The following SHISA9 variants were observed in gnomAD, a reference collection of about 807,000 sequenced individuals.
SHISA9 encodes the protein shisa family member 9.
SHISA9 carries 13 observed loss-of-function variants against 38.0 expected under a neutral mutation model. The observed-to-expected ratio is 0.34, with a 90% CI of 0.22 to 0.54. SHISA9 has a LOEUF of 0.54. SHISA9 is among the 20% of genes least tolerant of loss of function. The pLI is 0.91. For synonymous variants in SHISA9, 275 were observed against 242.0 expected (o/e 1.14, Z -1.27); for missense variants, 538 against 575.8 (o/e 0.93, Z 0.67).
chr16:13,064,784 C>CAAAAAAAAAAAA (rs72435637), intron 2 of SHISA9, among the ~76,000 whole-genome samples: 1 of 82,374 alleles, frequency 1.2e-5, no homozygotes, highest in Non-Finnish European at 3.0e-5. Flanking sequence ...AGTTGTAAGG[C>CAAAAAAAAAAAA]AAAAAAAAAA....
the SHISA9 span, among the ~76,000 whole-genome samples, chr16:13,298,611 A>G: frequency 6.6e-6 from 1 of 152,088 alleles, no homozygotes; most frequent in African/African-American, 2.4e-5. Flanking sequence ...ATTTGAACCC[A>G]CTTTTGTCTG....
the SHISA9 span, among the ~76,000 whole-genome samples, chr16:13,361,907 G>C: frequency 5.3e-5 from 8 of 152,092 alleles, no homozygotes; most frequent in African/African-American, 1.9e-4. Flanking sequence ...ACATGTAATT[G>C]TTCATTATCC....
chr16:13,361,101 C>T, the SHISA9 span, among the ~76,000 whole-genome samples: 1 of 152,216 alleles, frequency 6.6e-6, no homozygotes, highest in Non-Finnish European at 1.5e-5. Flanking sequence ...CTTTCTAGTA[C>T]TCACACTTTT....
chr16:13,435,930 T>C, the SHISA9 span, among the ~76,000 whole-genome samples: 11 of 152,240 alleles, frequency 7.2e-5, no homozygotes, highest in Admixed American at 3.3e-4. Flanking sequence ...ACAGGACTCA[T>C]GTGAAGAAAA....
chr16:13,279,192 C>A, the SHISA9 span, among the ~76,000 whole-genome samples: 79 of 151,916 alleles, frequency 5.2e-4, no homozygotes, highest in Admixed American at 5.2e-3. Flanking sequence ...CGTGTATTTG[C>A]GTGGTTCTGA....
the SHISA9 span, among the ~76,000 whole-genome samples, chr16:13,473,808 T>G: frequency 6.6e-6 from 1 of 151,886 alleles, no homozygotes; most frequent in Non-Finnish European, 1.5e-5. Context: ...TTTGTTTGTG[T>G]GTGTTCTTTT....
the SHISA9 span, among the ~76,000 whole-genome samples, chr16:13,434,657 A>T: frequency 6.6e-6 from 1 of 152,190 alleles, no homozygotes; most frequent in East Asian, 1.9e-4. Context: ...TGACCTCGTG[A>T]TCCGCCCACC....
At chr16:12,940,125 C>T (rs988642794) in intron 2 of SHISA9, among the ~76,000 whole-genome samples, 4 of 152,190 alleles carry the variant, frequency 2.6e-5, no homozygotes, top group Non-Finnish European at 5.9e-5. Context: ...ATTGGATGAT[C>T]TTGAGGGGCA....
At chr16:13,092,806 G>C (rs1017944433) in intron 2 of SHISA9, among the ~76,000 whole-genome samples, 1 of 152,156 alleles carries the variant, frequency 6.6e-6, no homozygotes, top group African/African-American at 2.4e-5. Context: ...CCCTGCTTCA[G>C]CTTGCCCTCC....
intron 4 of SHISA9, among the ~76,000 whole-genome samples, chr16:13,220,190 T>C (rs977776564): frequency 1.3e-5 from 2 of 152,208 alleles, no homozygotes; most frequent in South Asian, 4.1e-4. Context: ...GTTCTTCTTA[T>C]CTCAGGTGAT....
chr16:13,058,531 A>G (rs2073336334), intron 2 of SHISA9, among the ~76,000 whole-genome samples: 1 of 152,212 alleles, frequency 6.6e-6, no homozygotes, highest in Non-Finnish European at 1.5e-5. Flanking sequence ...GAGCAAAGTG[A>G]GGCCTAGGGA....
the SHISA9 span, among the ~76,000 whole-genome samples, chr16:13,397,898 G>A: frequency 6.6e-6 from 1 of 152,186 alleles, no homozygotes; most frequent in Non-Finnish European, 1.5e-5. Context: ...ATGAGTGCAA[G>A]GTTTAATTGA....
At chr16:13,173,524 A>G (rs1452229200) in intron 2 of SHISA9, among the ~76,000 whole-genome samples, 2 of 152,048 alleles carry the variant, frequency 1.3e-5, no homozygotes, top group East Asian at 1.9e-4. Flanking sequence ...GGACCTAACA[A>G]TCTAGATCAG....
chr16:13,393,227 C>T, the SHISA9 span, among the ~76,000 whole-genome samples: 10 of 152,306 alleles, frequency 6.6e-5, no homozygotes, highest in Admixed American at 2.0e-4. Context: ...GCCAGCTCCA[C>T]GGGTGTGTGA....
chr16:13,020,614 G>C (rs772215453), intron 2 of SHISA9, among the ~76,000 whole-genome samples: 8 of 152,090 alleles, frequency 5.3e-5, no homozygotes, highest in African/African-American at 9.7e-5. Flanking sequence ...TGGAGTCAAG[G>C]CTTCAGCATA....
chr16:13,111,197 A>G (rs1344864354), intron 2 of SHISA9, among the ~76,000 whole-genome samples: 1 of 152,238 alleles, frequency 6.6e-6, no homozygotes, highest in Non-Finnish European at 1.5e-5. Flanking sequence ...GACAAATGGG[A>G]TCTAATTAAA....
At chr16:13,094,423 A>G (rs542674354) in intron 2 of SHISA9, among the ~76,000 whole-genome samples, 1 of 152,248 alleles carries the variant, frequency 6.6e-6, no homozygotes, top group Admixed American at 6.5e-5. Context: ...GCATTTAATT[A>G]TTTTAATACA....
chr16:13,002,511 G>A (rs1335519122), intron 2 of SHISA9, among the ~76,000 whole-genome samples: 2 of 151,146 alleles, frequency 1.3e-5, no homozygotes, highest in Non-Finnish European at 2.9e-5. Flanking sequence ...ATTGCAATGT[G>A]AGACAGTCAG....
the SHISA9 span, among the ~76,000 whole-genome samples, chr16:13,364,858 G>T: frequency 6.6e-6 from 1 of 152,160 alleles, no homozygotes; most frequent in African/African-American, 2.4e-5. Flanking sequence ...CCAGGCTAGG[G>T]GTTCCGTCTT....
Sources: gnomAD v4.1 joint callset for allele counts (sites outside exome capture counted in the v4.1 genomes callset) on GRCh38, gnomAD v4.1.1 for gene constraint, MANE v1.5 for transcripts, NCBI Gene and HGNC (gene_info 2026-07-23, HGNC 2026-07-21) for gene names.